Variants in PGM2L1 observed in about 807,000 individuals in gnomAD.
The protein encoded by PGM2L1 is phosphoglucomutase 2 like 1.
Under a neutral mutation model 73.4 loss-of-function variants are expected in PGM2L1, and 35 were observed. The observed-to-expected ratio is 0.48, with a 90% confidence interval of 0.36 to 0.63. The LOEUF (loss-of-function observed/expected upper bound fraction) is 0.63, where lower values mean the gene tolerates loss of function less well. Ranked by LOEUF, PGM2L1 falls within the 30% of genes least tolerant of loss-of-function variation. PGM2L1 has a pLI of 0.00. For synonymous variants in PGM2L1, 225 were observed against 253.8 expected (o/e 0.89, Z 1.08); for missense variants, 570 against 742.0 (o/e 0.77, Z 2.69).
intron 5 of PGM2L1, among the ~76,000 whole-genome samples, chr11:74,357,216 T>C (rs1376708147): frequency 6.6e-6 from 1 of 152,086 alleles, no homozygotes; most frequent in Admixed American, 6.6e-5. Flanking sequence ...AAGCTGGATT[T>C]AAAATGAAAA....
intron 5 of PGM2L1, among the ~76,000 whole-genome samples, chr11:74,362,784 T>C (rs922102981): frequency 2.0e-5 from 3 of 152,100 alleles, no homozygotes; most frequent in Non-Finnish European, 4.4e-5. Flanking sequence ...CACACAATAA[T>C]AATGGGAGAC....
At chr11:74,377,924 C>G (rs1239251673) in intron 1 of PGM2L1, among the ~76,000 whole-genome samples, 1 of 151,240 alleles carries the variant, frequency 6.6e-6, no homozygotes, top group Non-Finnish European at 1.5e-5. Flanking sequence ...TCACTGATTA[C>G]TTGGGGGTAG....
chr11:74,343,965 CG>C (rs1862224309), intron 9 of PGM2L1, among the ~76,000 whole-genome samples: 1 of 151,360 alleles, frequency 6.6e-6, no homozygotes, highest in African/African-American at 2.4e-5. Context: ...TTAGTAGAGA[CG>C]GGGTTTCACC....
chr11:74,355,905 T>G (rs1268858488), intron 5 of PGM2L1, among the ~76,000 whole-genome samples: 3 of 152,152 alleles, frequency 2.0e-5, no homozygotes, highest in African/African-American at 7.2e-5. Context: ...ACTGTATTTG[T>G]GACAAATTGT....
At position 74,395,697 on chromosome 11, in the gene PGM2L1, G is replaced by A. The variant is rs867831033; in HGVS notation, c.111+2354C>T. On this transcript the variant is annotated intron_variant, in intron 1 of 13. Coordinates refer to ENST00000298198, the MANE Select transcript of PGM2L1 (RefSeq NM_173582.6). ...GCTAGCATTACAAGCGTGAGCCACC[G>A]TGCCTGACCTCTCTTCATTCTTTTT... 3.3e-5 allele frequency among the ~76,000 whole-genome samples: 5 copies of A among 151,492 alleles called. No individual in the cohort carries two copies. The South Asian group carries it at 1.0e-3, about 32-fold the overall frequency.
intron 5 of PGM2L1, among the ~76,000 whole-genome samples, chr11:74,364,994 A>G (rs1040171578): frequency 7.9e-5 from 12 of 150,950 alleles, no homozygotes; most frequent in African/African-American, 2.7e-4. Flanking sequence ...CCAAAACAGC[A>G]TGGTACTGGT....
At chr11:74,375,120 A>G (rs1371088230) in intron 1 of PGM2L1, among the ~76,000 whole-genome samples, 1 of 152,226 alleles carries the variant, frequency 6.6e-6, no homozygotes, top group Non-Finnish European at 1.5e-5. Flanking sequence ...GCAATTCAAA[A>G]TGAATTCTAC....
chr11:74,373,226 C>T (rs975224734), intron 2 of PGM2L1, among the ~76,000 whole-genome samples: 2 of 151,972 alleles, frequency 1.3e-5, no homozygotes, highest in Admixed American at 6.6e-5. Flanking sequence ...ATCTTTACTT[C>T]GAATCAAAGC....
intron 1 of PGM2L1, among the ~76,000 whole-genome samples, chr11:74,381,656 G>A (rs899424310): frequency 3.6e-5 from 5 of 138,666 alleles, no homozygotes; most frequent in Non-Finnish European, 6.1e-5. Context: ...TCAGCTCACT[G>A]CAGCCCGGAC....
chr11:74,373,376 A>G (rs1293388564), intron 2 of PGM2L1, among the ~76,000 whole-genome samples: 3 of 152,210 alleles, frequency 2.0e-5, no homozygotes, highest in Non-Finnish European at 1.5e-5. Context: ...CTACCCCTGC[A>G]TTAGGCCTTG....
chr11:74,350,131 T>C (rs1027556396), intron 6 of PGM2L1, among the ~76,000 whole-genome samples: 1 of 152,180 alleles, frequency 6.6e-6, no homozygotes, highest in Non-Finnish European at 1.5e-5. Flanking sequence ...TCAAATTCTT[T>C]TTAGATTGAT....
At chr11:74,366,423 A>G (rs1195315285) in intron 5 of PGM2L1, among the ~76,000 whole-genome samples, 1 of 149,954 alleles carries the variant, frequency 6.7e-6, no homozygotes, top group Non-Finnish European at 1.5e-5. Flanking sequence ...ATACCACTGT[A>G]CTCCAGCCTG....
Position 74,398,234 on chromosome 11 carries a change from G to T in PGM2L1, c.-73C>A, listed in dbSNP as rs930842520. 16 of 1,528,858 alleles carry T rather than the reference G, an allele frequency of 1.0e-5. No individual in the cohort carries two copies. The highest frequency in any genetic ancestry group is 1.4e-5 in the Non-Finnish European group (16 of 1,138,024). 94.7% of individuals were successfully genotyped at this position (1,528,858 alleles called of 1,614,324 possible). A position where few individuals can be genotyped will look rare whatever the true frequency, so the allele number is the denominator to read the frequency against. On this transcript the variant is annotated 5_prime_UTR_variant, in exon 1 of 14. Coordinates refer to ENST00000298198, the MANE Select transcript of PGM2L1 (RefSeq NM_173582.6). Reference sequence around the variant, plus strand: ...TGGGGTGGGGGGTGGCTTGGGGTTCGCTCACCAGGGTCCAGGCGTCCCCAC... The same window carrying T: ...TGGGGTGGGGGGTGGCTTGGGGTTCTCTCACCAGGGTCCAGGCGTCCCCAC...
At chr11:74,357,698 CT>C (rs1862481397) in intron 5 of PGM2L1, among the ~76,000 whole-genome samples, 1 of 152,116 alleles carries the variant, frequency 6.6e-6, no homozygotes, top group African/African-American at 2.4e-5. Flanking sequence ...GGAATGAAGA[CT>C]TATGTCCATA....
chr11:74,354,469 G>A (rs561644639), intron 5 of PGM2L1: 925 of 931,614 alleles, frequency 9.9e-4, no homozygotes, highest in Non-Finnish European at 1.3e-3. Context: ...CTCCTAAAGA[G>A]CCTGAACAGC....
At position 74,336,664 on chromosome 11, in the gene PGM2L1, C is replaced by A; in HGVS notation, c.1857G>T (p.Trp619Cys). Residue 619 changes from tryptophan (W) to cysteine (C), a missense_variant, in exon 14 of 14, where the codon TGG (tryptophan) becomes TGT (cysteine). By Grantham distance (215) the Trp-to-Cys change is radical. Coordinates refer to ENST00000298198, the MANE Select transcript of PGM2L1 (RefSeq NM_173582.6). ...FLQPSKNGLI[W>C]RSV is the part of the protein sequence containing the mutation. ...TATTGGTGTACCCCTAAACAGAACGCCAGATCAGTCCATTCTTACTAGGCT... is the reference window on the plus strand; with the variant it reads ...TATTGGTGTACCCCTAAACAGAACGACAGATCAGTCCATTCTTACTAGGCT... The A allele has an allele frequency of 6.2e-7, 1 of 1,607,236 alleles. No individual in the cohort carries two copies. The highest frequency in any genetic ancestry group is 8.5e-7 in the Non-Finnish European group (1 of 1,175,240).
At chr11:74,344,841 T>A (rs528447168) in intron 9 of PGM2L1, among the ~76,000 whole-genome samples, 1 of 152,320 alleles carries the variant, frequency 6.6e-6, no homozygotes, top group Middle Eastern at 3.4e-3. Flanking sequence ...TTTCTTTTAC[T>A]CAGTAAATTA....
chr11:74,366,375 G>T (rs910451291), intron 5 of PGM2L1, among the ~76,000 whole-genome samples: 1 of 135,060 alleles, frequency 7.4e-6, no homozygotes, highest in East Asian at 2.2e-4. Context: ...AAAAAAAAAA[G>T]AATCCCTTGA....
chr11:74,362,870 G>C (rs1415070081), intron 5 of PGM2L1, among the ~76,000 whole-genome samples: 1 of 152,142 alleles, frequency 6.6e-6, no homozygotes, highest in Non-Finnish European at 1.5e-5. Flanking sequence ...ATTGAACTCA[G>C]CTCTGCACCA....
Sources: gnomAD v4.1 joint callset for allele counts (sites outside exome capture counted in the v4.1 genomes callset) on GRCh38, gnomAD v4.1.1 for gene constraint, MANE v1.5 for transcripts, NCBI Gene and HGNC (gene_info 2026-07-23, HGNC 2026-07-21) for gene names.